DSG1: variants seen among roughly 807,000 people sequenced by gnomAD.
DSG1 encodes desmoglein-1.
In DSG1, 39 loss-of-function variants were observed where a neutral mutation model predicts 97.5. The ratio of observed to expected loss-of-function variants is 0.40; its 90% confidence interval spans 0.31 to 0.52. The LOEUF (loss-of-function observed/expected upper bound fraction) is 0.52. Ranked by LOEUF, DSG1 falls within the 20% of genes least tolerant of loss-of-function variation. DSG1 has a pLI of 0.53. For synonymous variants in DSG1, 475 were observed against 443.4 expected (o/e 1.07, Z -0.90); for missense variants, 1,311 against 1,295.4 (o/e 1.01, Z -0.18).
rs1353762902 is a variant in DSG1, at chr18:31,357,942, TA to T, written c.*2599del. Among the ~76,000 whole-genome samples the T allele has an allele frequency of 1.3e-5, 2 of 152,004 alleles. No homozygotes were observed. Among genetic ancestry groups the T allele is most frequent in the African/African-American group, 4.8e-5 (2 of 41,434 alleles). The stretch of plus-strand genomic sequence containing the variant: ...GACATCAACGATTTTAGTAGTTATT[TA>T]AAGGCATGTCATTTTTCAATGAAGA... On this transcript the variant is annotated 3_prime_UTR_variant, in exon 15 of 15. Transcript: ENST00000257192.
rs1022133296 is a variant in DSG1, at chr18:31,357,375, G to T, written c.*2029G>T. ...ATCTTTCCAGGAATAAAGTCAAAAGGTATTTATTAAGACATACTTGAGTAT... is the reference window on the plus strand; with the variant it reads ...ATCTTTCCAGGAATAAAGTCAAAAGTTATTTATTAAGACATACTTGAGTAT... On this transcript the variant is annotated 3_prime_UTR_variant, in exon 15 of 15. Transcript: ENST00000257192. Among the ~76,000 whole-genome samples, 1 of 151,988 alleles carries T rather than the reference G, an allele frequency of 6.6e-6. No individual in the cohort carries two copies. Among genetic ancestry groups the T allele is most frequent in the Non-Finnish European group, 1.5e-5 (1 of 67,900 alleles).
At position 31,354,427 on chromosome 18, in the gene DSG1, A is replaced by C; in HGVS notation, c.2231A>C (p.Asp744Ala). Reference protein sequence around the residue: ...GCCSFIGEDLDDSFLDTLGPK... With the variant: ...GCCSFIGEDLADSFLDTLGPK... Reference sequence around the variant, plus strand: ...TGTAGCTTCATTGGAGAAGACCTGGATGACAGCTTCTTGGATACCCTGGGA... The same window carrying C: ...TGTAGCTTCATTGGAGAAGACCTGGCTGACAGCTTCTTGGATACCCTGGGA... Residue 744 changes from aspartate to alanine, a missense_variant, in exon 15 of 15, where the codon GAT becomes GCT. This residue lies in a region of DSG1 where 1,038 missense variants were observed against 964.6 expected (regional missense o/e 1.08). Transcript: ENST00000257192. 1 of 1,614,162 alleles carries C rather than the reference A, an allele frequency of 6.2e-7. No homozygotes were observed. Among genetic ancestry groups the C allele is most frequent in the Non-Finnish European group, 8.5e-7 (1 of 1,180,026 alleles).
intron 1 of DSG1, among the ~76,000 whole-genome samples, chr18:31,324,685 G>A (rs2071675299): frequency 6.6e-6 from 1 of 152,084 alleles, no homozygotes; most frequent in African/African-American, 2.4e-5. Flanking sequence ...CCAATGCTAT[G>A]CTGCAGTATC....
At chr18:31,321,029 ATC>A (rs2071650170) in intron 1 of DSG1, among the ~76,000 whole-genome samples, 1 of 152,080 alleles carries the variant, frequency 6.6e-6, no homozygotes, top group African/African-American at 2.4e-5. Context: ...ACCATGAATG[ATC>A]TGATTATTTT....
At chr18:31,345,009 C>T (rs967683029) in intron 13 of DSG1, among the ~76,000 whole-genome samples, 1 of 152,118 alleles carries the variant, frequency 6.6e-6, no homozygotes, top group Non-Finnish European at 1.5e-5. Context: ...CATTAATAAC[C>T]CCAATGTCTT....
rs2071945342 is a variant in DSG1, at chr18:31,355,229, C to A, written c.3033C>A (p.Ser1011Arg). The part of the protein sequence containing the change: ...IGLSSLGGTA[S>R]IGHMRSSSDH... ...TGAGCAGCTTGGGAGGGACAGCCAG[C>A]ATTGGCCACATGAGGAGTTCCTCTG... The change falls in exon 15 of 15, where the codon AGC (serine) becomes AGA (arginine). Residue 1011 changes from serine to arginine, a missense_variant. By Grantham distance (110) the Ser-to-Arg change is moderately radical. Transcript: ENST00000257192. 2 of 1,607,296 alleles carry A rather than the reference C, an allele frequency of 1.2e-6. No individual in the cohort carries two copies. The highest frequency in any genetic ancestry group is 1.7e-6 in the Non-Finnish European group (2 of 1,175,634).
At chr18:31,343,873 AAGAT>A in intron 12 of DSG1, 49 bp from the exon 13 acceptor site, 1 of 1,432,804 alleles carries the variant, frequency 7.0e-7, no homozygotes, top group African/African-American at 1.4e-5. Flanking sequence ...TGACTGCAGA[AAGAT>A]TATAGTCATT....
chr18:31,334,574 A>G (rs1169629773), intron 8 of DSG1, among the ~76,000 whole-genome samples: 1 of 152,198 alleles, frequency 6.6e-6, no homozygotes, highest in African/African-American at 2.4e-5. Flanking sequence ...GTCCATGTCA[A>G]CATTGTAAGT....
chr18:31,348,418 G>A (rs901014939), intron 14 of DSG1, among the ~76,000 whole-genome samples: 19 of 151,678 alleles, frequency 1.3e-4, no homozygotes, highest in South Asian at 6.2e-4. Context: ...GAATAATGCC[G>A]CAATAAACAT....
Position 31,333,730 on chromosome 18 carries a change from A to G in DSG1, c.819+7A>G, listed in dbSNP as rs2071734650. 6.2e-7 allele frequency: 1 copy of G among 1,613,412 alleles called. No homozygotes were observed. Among genetic ancestry groups the G allele is most frequent in the South Asian group, 1.1e-5 (1 of 91,056 alleles). The stretch of plus-strand genomic sequence containing the variant: ...TTACATGGAACAGTCTTCAGTAAGT[A>G]TTTGTTCTTGGAATTAATAAATCTA... On this transcript the variant is annotated splice_region_variant and intron_variant, in intron 7 of 14. Transcript: ENST00000257192.
intron 4 of DSG1, 43 bp from the exon 5 acceptor site, chr18:31,329,849 A>G (rs2071709617): frequency 1.2e-6 from 2 of 1,606,000 alleles, no homozygotes; most frequent in African/African-American, 2.7e-5. Flanking sequence ...GAACTTAATA[A>G]ATCTGTGTTT....
Position 31,358,072 on chromosome 18 carries a change from A to G in DSG1, c.*2726A>G, listed in dbSNP as rs950408096. On this transcript the variant is annotated 3_prime_UTR_variant, in exon 15 of 15. Transcript: ENST00000257192. Reference sequence around the variant, plus strand: ...TATGGAAATTATTTTATAAGTGAATACTATAATTAGGATTCAAGCTGAGTT... The same window carrying G: ...TATGGAAATTATTTTATAAGTGAATGCTATAATTAGGATTCAAGCTGAGTT... Among the ~76,000 whole-genome samples, 1 of 151,996 alleles carries G rather than the reference A, an allele frequency of 6.6e-6. No individual in the cohort carries two copies. The highest frequency in any genetic ancestry group is 6.5e-5 in the Admixed American group (1 of 15,270).
rs1357547893 is a variant in DSG1 at position 31,357,210 on chromosome 18, G to A, written c.*1864G>A. On this transcript the variant is annotated 3_prime_UTR_variant, in exon 15 of 15. Coordinates refer to ENST00000257192, the MANE Select transcript of DSG1 (RefSeq NM_001942.4). ...TAAGGCTAATATTTTAAAAGCCACA[G>A]TATACATCTTCTTTTAACTCTGTAG... 6.6e-6 allele frequency among the ~76,000 whole-genome samples: 1 copy of A among 152,018 alleles called. No homozygotes were observed. The highest frequency in any genetic ancestry group is 1.5e-5 in the Non-Finnish European group (1 of 67,944).
chr18:31,337,257 G>A (rs1209583198), intron 9 of DSG1, among the ~76,000 whole-genome samples: 1 of 149,400 alleles, frequency 6.7e-6, no homozygotes, highest in Non-Finnish European at 1.5e-5. Context: ...TTGTTTGTTT[G>A]TTGTTTGTTT....
rs1474796393 is a variant in DSG1, at chr18:31,356,377, GA to G, written c.*1032del. The G allele has an allele frequency of 2.7e-5, 4 of 150,308 alleles. No individual in the cohort carries two copies. The highest frequency in any genetic ancestry group is 4.9e-5 in the African/African-American group (2 of 40,946). 9.3% of individuals were successfully genotyped at this position (150,308 alleles called of 1,614,324 possible). On this transcript the variant is annotated 3_prime_UTR_variant, in exon 15 of 15. Coordinates refer to ENST00000257192, the MANE Select transcript of DSG1 (RefSeq NM_001942.4). ...AATGATTTACATAGGCCGAGCTGTG[GA>G]CAAAAAAAAAAGAAGCAGCAGCTTG... is the stretch of plus-strand genomic sequence containing the variant.
Position 31,334,098 on chromosome 18 carries a change from G to A in DSG1, c.901G>A (p.Ala301Thr), listed in dbSNP as rs1293204657. 3 of 1,610,268 alleles carry A rather than the reference G, an allele frequency of 1.9e-6. No homozygotes were observed. Among genetic ancestry groups the A allele is most frequent in the South Asian group, 2.2e-5 (2 of 90,990 alleles). The change falls in exon 8 of 15, where the codon GCT becomes ACT. Residue 301 changes from alanine to threonine, a missense_variant. By Grantham distance (58) the Ala-to-Thr change is moderately conservative. Transcript: ENST00000257192. ...RVIDLDEEFS[A>T]NWMAVIFFIS... Reference sequence around the variant, plus strand: ...AATTGATTTGGATGAAGAGTTCTCAGCTAACTGGATGGCAGTAATTTTCTT... The same window carrying A: ...AATTGATTTGGATGAAGAGTTCTCAACTAACTGGATGGCAGTAATTTTCTT...
chr18:31,341,846 G>A (rs921819321), intron 11 of DSG1, among the ~76,000 whole-genome samples: 3 of 152,022 alleles, frequency 2.0e-5, no homozygotes, highest in Non-Finnish European at 2.9e-5. Flanking sequence ...TTACCCAAGT[G>A]CTCATTATCA....
chr18:31,327,937 T>C (rs532645505), intron 3 of DSG1, among the ~76,000 whole-genome samples: 1 of 152,250 alleles, frequency 6.6e-6, no homozygotes, highest in East Asian at 1.9e-4. Context: ...GACTTAGATA[T>C]AGTAGGGTGA....
intron 11 of DSG1, among the ~76,000 whole-genome samples, chr18:31,343,046 G>C (rs952455850): frequency 1.3e-5 from 2 of 151,816 alleles, no homozygotes; most frequent in Non-Finnish European, 2.9e-5. Flanking sequence ...GAGTAGCTAA[G>C]ACTGCAGGCA....
Sources: gnomAD v4.1 joint callset for allele counts (sites outside exome capture counted in the v4.1 genomes callset) on GRCh38, gnomAD v4.1.1 for gene constraint, gnomAD v4.1.1 regional missense constraint, MANE v1.5 for transcripts, NCBI Gene and HGNC (gene_info 2026-07-23, HGNC 2026-07-21) for gene names.